The following ADGRL3 variants were observed in gnomAD, a reference collection of about 807,000 sequenced individuals.
ADGRL3 encodes calcium-independent alpha-latrotoxin receptor 3.
A neutral mutation model predicts 153.5 loss-of-function variants in ADGRL3; 62 were observed. The ratio of observed to expected loss-of-function variants is 0.40; its 90% CI spans 0.33 to 0.50. ADGRL3 has a LOEUF of 0.50. Ranked by LOEUF, ADGRL3 falls within the 20% of genes least tolerant of loss-of-function variation. The pLI is 0.47. For synonymous variants in ADGRL3, 710 were observed against 672.5 expected, an observed-to-expected ratio of 1.06 and a Z score of -0.86; for missense variants, 1,641 against 1,859.4, an observed-to-expected ratio of 0.88 and a Z score of 2.16.
chr4:61,487,954 C>T (rs946684958), intron 2 of ADGRL3, among the ~76,000 whole-genome samples: 1 of 151,812 alleles, frequency 6.6e-6, no homozygotes, highest in African/African-American at 2.4e-5. Context: ...TCCAGTTGAA[C>T]GTATCAATAT....
intron 8 of ADGRL3, among the ~76,000 whole-genome samples, chr4:61,808,667 T>C (rs2097576082): frequency 6.6e-6 from 1 of 152,158 alleles, no homozygotes; most frequent in African/African-American, 2.4e-5. Flanking sequence ...AAAATCAAGC[T>C]GTTATAATGC....
In ADGRL3 at chr4:61,867,920, G is replaced by A. The variant is rs1387938563; in HGVS notation, c.1481-24736G>A. ...TTGAGATATAGTCCCCTAAGTGGGT[G>A]TATAAAGAGAAGGGCTTATAATGGG... On this transcript the variant is annotated intron_variant, in intron 9 of 26. Coordinates refer to ENST00000683033, the MANE Select transcript of ADGRL3 (RefSeq NM_001387552.1). Among the ~76,000 whole-genome samples, 8 of 152,036 alleles carry A rather than the reference G, an allele frequency of 5.3e-5. No homozygotes were observed. In the East Asian group the frequency reaches 1.5e-3, roughly 29 times the overall value.
At chr4:61,824,853 T>A (rs887870988) in intron 9 of ADGRL3, among the ~76,000 whole-genome samples, 4 of 152,274 alleles carry the variant, frequency 2.6e-5, no homozygotes, top group African/African-American at 7.2e-5. Context: ...CCTTGCATTT[T>A]AAATTTTACT....
intron 21 of ADGRL3, among the ~76,000 whole-genome samples, chr4:62,024,481 C>A (rs1717156143): frequency 6.6e-6 from 1 of 151,890 alleles, no homozygotes; most frequent in African/African-American, 2.4e-5. Context: ...TAATAAAATT[C>A]ATAGTTGAAA....
chr4:61,647,152 C>T (rs1346592788), intron 5 of ADGRL3, among the ~76,000 whole-genome samples: 4 of 152,112 alleles, frequency 2.6e-5, no homozygotes, highest in African/African-American at 9.6e-5. Flanking sequence ...CGGTGCACTG[C>T]ACCCACTGGC....
At chr4:61,407,925 TAACA>T (rs2097024347) in intron 2 of ADGRL3, among the ~76,000 whole-genome samples, 1 of 152,122 alleles carries the variant, frequency 6.6e-6, no homozygotes, top group East Asian at 1.9e-4. Context: ...TGGTTTTCCA[TAACA>T]AACATTTTGT....
At chr4:62,046,032 C>T (rs191559786) in intron 25 of ADGRL3, among the ~76,000 whole-genome samples, 12 of 151,980 alleles carry the variant, frequency 7.9e-5, no homozygotes, top group Non-Finnish European at 1.8e-4. Context: ...TACTTACAAA[C>T]GCCTCCATAA....
At chr4:62,047,172 C>T (rs1003205459) in intron 25 of ADGRL3, among the ~76,000 whole-genome samples, 14 of 151,662 alleles carry the variant, frequency 9.2e-5, no homozygotes, top group African/African-American at 3.1e-4. Context: ...TAAATTCAGA[C>T]TCCATTTTCC....
chr4:61,685,526 A>T (rs2095426510), intron 6 of ADGRL3, among the ~76,000 whole-genome samples: 1 of 152,144 alleles, frequency 6.6e-6, no homozygotes, highest in East Asian at 1.9e-4. Flanking sequence ...GCTATGTGAG[A>T]CCTGAAGAAT....
chr4:61,889,053 A>T (rs1249956913), intron 9 of ADGRL3, among the ~76,000 whole-genome samples: 1 of 152,060 alleles, frequency 6.6e-6, no homozygotes, highest in Non-Finnish European at 1.5e-5. Flanking sequence ...TTTTTGTGGG[A>T]TACTATATTC....
At chr4:61,715,980 C>T (rs1330721782) in intron 6 of ADGRL3, among the ~76,000 whole-genome samples, 2 of 149,420 alleles carry the variant, frequency 1.3e-5, no homozygotes, top group East Asian at 2.0e-4. Flanking sequence ...ATCCTTTCCT[C>T]GACAATACTG....
chr4:61,413,446 CCCTG>C (rs1280220201), intron 2 of ADGRL3, among the ~76,000 whole-genome samples: 3 of 152,004 alleles, frequency 2.0e-5, no homozygotes, highest in Non-Finnish European at 2.9e-5. Flanking sequence ...TCCCCACTAG[CCCTG>C]CCTAACACCA....
intron 9 of ADGRL3, among the ~76,000 whole-genome samples, chr4:61,878,267 C>A (rs2098487476): frequency 6.6e-6 from 1 of 152,110 alleles, no homozygotes; most frequent in South Asian, 2.1e-4. Flanking sequence ...ATGTCTCCAA[C>A]TAAAGTCACA....
intron 8 of ADGRL3, among the ~76,000 whole-genome samples, chr4:61,741,844 C>T (rs933844810): frequency 2.0e-5 from 3 of 152,202 alleles, no homozygotes; most frequent in African/African-American, 7.2e-5. Context: ...AACGCTCTAA[C>T]GTTAGTTGTG....
At chr4:61,449,147 T>A (rs2097642496) in intron 2 of ADGRL3, among the ~76,000 whole-genome samples, 5 of 152,058 alleles carry the variant, frequency 3.3e-5, no homozygotes, top group Admixed American at 1.3e-4. Flanking sequence ...TTAATTAATT[T>A]ATTTTTTGAG....
Position 61,589,346 on chromosome 4 carries a change from G to C in ADGRL3, c.473+1906G>C, listed in dbSNP as rs77295522. ...TTTGACTCTCTGAGAAAAGAAATCA[G>C]GTTTTATTTTGTAAGCTCCCAAGAG... is the stretch of plus-strand genomic sequence containing the variant. On this transcript the variant is annotated intron_variant, in intron 5 of 26. Transcript: ENST00000683033. Among the ~76,000 whole-genome samples the C allele has an allele frequency of 4.6e-4, 70 of 152,094 alleles. 1 individual carries two copies. In the East Asian group the frequency reaches 0.011, roughly 24 times the overall value.
chr4:61,690,875 A>G (rs1459591107), intron 6 of ADGRL3, among the ~76,000 whole-genome samples: 2 of 152,120 alleles, frequency 1.3e-5, no homozygotes, highest in African/African-American at 4.8e-5. Flanking sequence ...ATCTTCAAGA[A>G]ACTTGCCTGC....
chr4:61,502,147 A>T (rs1451886271), intron 3 of ADGRL3, among the ~76,000 whole-genome samples: 1 of 152,128 alleles, frequency 6.6e-6, no homozygotes. Flanking sequence ...AAAACCCAGT[A>T]ATAACGTAGG....
chr4:62,058,458 CA>C (rs1296883338), intron 25 of ADGRL3, among the ~76,000 whole-genome samples: 1 of 152,124 alleles, frequency 6.6e-6, no homozygotes, highest in Non-Finnish European at 1.5e-5. Context: ...ATTTCACGTA[CA>C]TTTTTCATTA....
Sources: allele counts gnomAD v4.1 joint callset (sites outside exome capture counted in the v4.1 genomes callset), GRCh38; gene constraint gnomAD v4.1.1; transcripts MANE v1.5; gene names NCBI Gene and HGNC (gene_info 2026-07-23, HGNC 2026-07-21).